The following TYW1 variants were observed in gnomAD, a reference collection of about 807,000 sequenced individuals.
TYW1 encodes tRNA-yW synthesizing protein 1 homolog, also known as S-adenosyl-L-methionine-dependent tRNA 4-demethylwyosine synthase TYW1.
A neutral mutation model predicts 96.2 loss-of-function variants in TYW1; 46 were observed. That is an observed-to-expected ratio of 0.48 (90% CI 0.38 to 0.61). The LOEUF (loss-of-function observed/expected upper bound fraction) is 0.61. Among genes scored for constraint, TYW1 ranks in the 20% least tolerant of loss-of-function variants. The pLI is 0.00. For missense variants in TYW1, 684 were observed against 909.6 expected (o/e 0.75, Z 3.19); for synonymous variants, 274 against 323.0 (o/e 0.85, Z 1.63).
chr7:67,139,456 T>C lies in TYW1; in HGVS notation c.1698+21838T>C, dbSNP rs188945913. Reference sequence around the variant, plus strand: ...GTGTATGCACACATACATATGCATATACACATATGTGTATATATGTACATA... The same window carrying C: ...GTGTATGCACACATACATATGCATACACACATATGTGTATATATGTACATA... On this transcript the variant is annotated intron_variant, in intron 13 of 15. Transcript: ENST00000359626. Among the ~76,000 whole-genome samples, 947 of 152,132 alleles carry C rather than the reference T, an allele frequency of 6.2e-3. 9 individuals are homozygous for C. The highest frequency in any genetic ancestry group is 0.013 in the African/African-American group (542 of 41,490).
intron 13 of TYW1, among the ~76,000 whole-genome samples, chr7:67,139,728 GGTGTGTGTGT>G (rs55993805): frequency 2.0e-3 from 281 of 138,512 alleles, no homozygotes; most frequent in Non-Finnish European, 3.1e-3. Flanking sequence ...TGTGTATACA[GGTGTGTGTGT>G]GTGTGTGTGT....
chr7:67,024,623 C>G (rs1584475983), intron 6 of TYW1, among the ~76,000 whole-genome samples: 1 of 151,628 alleles, frequency 6.6e-6, no homozygotes, highest in South Asian at 2.1e-4. Context: ...TCTACTAAAA[C>G]TACAAAAATT....
At chr7:67,177,266 A>G (rs556626061) in intron 13 of TYW1, among the ~76,000 whole-genome samples, 1 of 151,940 alleles carries the variant, frequency 6.6e-6, no homozygotes, top group East Asian at 1.9e-4. Context: ...AACTTTAGAA[A>G]AAAATGTAAG....
chr7:67,172,676 G>A (rs1355784073), intron 13 of TYW1, among the ~76,000 whole-genome samples: 1 of 152,128 alleles, frequency 6.6e-6, no homozygotes, highest in Non-Finnish European at 1.5e-5. Flanking sequence ...GCTCACCTCG[G>A]CCTCCCAGAG....
At chr7:67,218,206 G>A (rs1299383039) in intron 15 of TYW1, among the ~76,000 whole-genome samples, 1 of 151,894 alleles carries the variant, frequency 6.6e-6, no homozygotes, top group Non-Finnish European at 1.5e-5. Flanking sequence ...AACATGGGAT[G>A]TATTTCTATT....
intron 15 of TYW1, among the ~76,000 whole-genome samples, chr7:67,199,503 A>G (rs552831624): frequency 6.6e-6 from 1 of 152,312 alleles, no homozygotes; most frequent in East Asian, 1.9e-4. Context: ...TTGACTTAGC[A>G]CTTATTGATG....
chr7:67,047,897 C>T (rs1371613049), intron 7 of TYW1, among the ~76,000 whole-genome samples: 1 of 149,538 alleles, frequency 6.7e-6, no homozygotes, highest in Non-Finnish European at 1.5e-5. Context: ...AAGTGATTCT[C>T]CTGCCTCAGC....
chr7:67,220,545 T>C (rs1164515746), intron 15 of TYW1, among the ~76,000 whole-genome samples: 1 of 151,990 alleles, frequency 6.6e-6, no homozygotes, highest in Non-Finnish European at 1.5e-5. Flanking sequence ...TCTTGGAGAA[T>C]ATGCTTTGTA....
At chr7:67,094,707 C>T (rs1796840501) in intron 11 of TYW1, among the ~76,000 whole-genome samples, 1 of 149,542 alleles carries the variant, frequency 6.7e-6, no homozygotes, top group South Asian at 2.1e-4. Context: ...ACAGCTGACA[C>T]CAATACCTTA....
intron 15 of TYW1, among the ~76,000 whole-genome samples, chr7:67,219,459 G>T (rs1801310360): frequency 6.6e-6 from 1 of 152,136 alleles, no homozygotes; most frequent in South Asian, 2.1e-4. Flanking sequence ...GAGAAAGATT[G>T]GTGTTAGTTC....
chr7:67,044,088 T>C (rs567440421), intron 7 of TYW1, among the ~76,000 whole-genome samples: 1 of 151,610 alleles, frequency 6.6e-6, no homozygotes, highest in South Asian at 2.1e-4. Flanking sequence ...CTCTACTTCA[T>C]GTATAATTAA....
At chr7:67,049,615 C>T (rs112508629) in intron 7 of TYW1, among the ~76,000 whole-genome samples, 16,410 of 151,350 alleles carry the variant, frequency 0.11, 945 homozygotes, top group Middle Eastern at 0.15. Context: ...GGTGTGATCT[C>T]GGCTCACTGC....
At chr7:67,085,134 T>A (rs1422927359) in intron 11 of TYW1, among the ~76,000 whole-genome samples, 1 of 152,224 alleles carries the variant, frequency 6.6e-6, no homozygotes, top group Non-Finnish European at 1.5e-5. Flanking sequence ...ATTCTGAAGA[T>A]CAGATGATTC....
intron 12 of TYW1, among the ~76,000 whole-genome samples, chr7:67,104,581 CTCTT>C (rs1046440722): frequency 3.0e-5 from 4 of 132,432 alleles, no homozygotes; most frequent in African/African-American, 9.3e-5. Context: ...TTATATCAGA[CTCTT>C]TCTGACAGTT....
chr7:67,075,358 A>G (rs1007446448), intron 10 of TYW1, among the ~76,000 whole-genome samples: 3 of 152,326 alleles, frequency 2.0e-5, no homozygotes, highest in Non-Finnish European at 4.4e-5. Context: ...TGGAGGAAAG[A>G]GTTATATCTG....
rs553534079 is a variant in TYW1, at chr7:67,188,070, C to T, written c.1809+4834C>T. On this transcript the variant is annotated intron_variant, in intron 14 of 15. Coordinates refer to ENST00000359626, the MANE Select transcript of TYW1 (RefSeq NM_018264.4). ...GCCTCATGGCTCATGCCTGTAATCCCAGCACTTTGGGAGGCCGAGTCAGGC... is the reference window on the plus strand; with the variant it reads ...GCCTCATGGCTCATGCCTGTAATCCTAGCACTTTGGGAGGCCGAGTCAGGC... Among the ~76,000 whole-genome samples, 20 of 152,322 alleles carry T rather than the reference C, an allele frequency of 1.3e-4. No homozygotes were observed. The East Asian group carries it at 3.9e-3, about 29-fold the overall frequency.
Position 67,014,618 on chromosome 7 carries a change from C to T in TYW1, c.570+57C>T, listed in dbSNP as rs1480268304. ...CTCCCCATAAACACACACACACGCACACACACGTAAACACACACACGTGCA... is the reference window on the plus strand; with the variant it reads ...CTCCCCATAAACACACACACACGCATACACACGTAAACACACACACGTGCA... On this transcript the variant is annotated intron_variant, in intron 5 of 15. Coordinates refer to ENST00000359626, the MANE Select transcript of TYW1 (RefSeq NM_018264.4). The T allele has an allele frequency of 3.8e-6, 6 of 1,558,914 alleles. No homozygotes were observed. In the African/African-American group the frequency reaches 4.1e-5, roughly 11 times the overall value.
At chr7:67,103,638 C>T (rs1437167007) in intron 12 of TYW1, among the ~76,000 whole-genome samples, 1 of 152,196 alleles carries the variant, frequency 6.6e-6, no homozygotes, top group African/African-American at 2.4e-5. Flanking sequence ...GATAATCTTA[C>T]TTATTTCTGT....
intron 7 of TYW1, among the ~76,000 whole-genome samples, chr7:67,026,919 G>A (rs1049039134): frequency 6.6e-6 from 1 of 152,166 alleles, no homozygotes; most frequent in Non-Finnish European, 1.5e-5. Flanking sequence ...TATGTTGGCT[G>A]AGTGCAGTGG....
Sources: gnomAD v4.1 joint callset for allele counts (sites outside exome capture counted in the v4.1 genomes callset) on GRCh38, gnomAD v4.1.1 for gene constraint, MANE v1.5 for transcripts, NCBI Gene and HGNC (gene_info 2026-07-23, HGNC 2026-07-21) for gene names.